Variants in ECPAS observed in about 807,000 individuals in gnomAD.
ECPAS encodes the protein proteasome adapter and scaffold protein ECM29.
A neutral mutation model predicts 255.1 loss-of-function variants in ECPAS; 70 were observed. The observed-to-expected ratio is 0.27, with a 90% confidence interval of 0.23 to 0.33. The LOEUF (loss-of-function observed/expected upper bound fraction) is 0.33, where lower values mean the gene tolerates loss of function less well. Among genes scored for constraint, ECPAS ranks in the 10% least tolerant of loss-of-function variants. ECPAS has a pLI of 1.00. For synonymous variants in ECPAS, 784 were observed against 775.0 expected, an observed-to-expected ratio of 1.01 and a Z score of -0.19; for missense variants, 1,817 against 2,206.4, an observed-to-expected ratio of 0.82 and a Z score of 3.54.
Position 111,389,717 on chromosome 9 carries a change from C to A in ECPAS, c.3286G>T (p.Ala1096Ser). 6.2e-7 allele frequency: 1 copy of A among 1,608,470 alleles called. No individual in the cohort carries two copies. Residue 1096 changes from alanine to serine, a missense_variant, in exon 31 of 50, where the codon GCT becomes TCT. Around this residue, in one of 4 missense-constraint regions of ECPAS, gnomAD observed 960 missense variants for 1,179.0 expected, o/e 0.81. Coordinates refer to ENST00000684092, the MANE Select transcript of ECPAS (RefSeq NM_001364929.1). The part of the protein sequence containing the change: ...HAMWNSRKGA[A>S]FGFNVIATRA... ...GTAGCAATTACATTAAAACCAAAAG[C>A]AGCACCCTAAAAATAATAGGCTGAA... is the stretch of plus-strand genomic sequence containing the variant.
rs1351383139 is a variant in ECPAS, at chr9:111,394,021, C to T, written c.2922+139G>A. The stretch of plus-strand genomic sequence containing the variant: ...CATCTTCCAGCCTATATACATCAGG[C>T]CACCATCCTTCATTCCTTCATGTAC... On this transcript the variant is annotated intron_variant, in intron 26 of 49. Transcript: ENST00000684092. 5 of 893,876 alleles carry T rather than the reference C, an allele frequency of 5.6e-6. No homozygotes were observed. The South Asian group carries it at 6.2e-5, about 11-fold the overall frequency. The allele number at this position is 893,876 out of a possible 1,614,324, so 55.4% of individuals were successfully genotyped here.
At chr9:111,396,951 G>A in intron 25 of ECPAS, 79 bp downstream of exon 25, 1 of 1,541,796 alleles carries the variant, frequency 6.5e-7, no homozygotes. Flanking sequence ...AATGTGTAAT[G>A]TTTTTGCCTC....
At position 111,417,912 on chromosome 9, in the gene ECPAS, G is replaced by A; in HGVS notation, c.1654C>T (p.Pro552Ser). The change falls in exon 17 of 50, where the codon CCA becomes TCA. Residue 552 changes from proline to serine, a missense_variant. Pro to Ser is a moderately conservative substitution (Grantham distance 74, BLOSUM62 -1). This residue lies in a region of ECPAS where 573 missense variants were observed against 716.2 expected (regional missense o/e 0.80). Coordinates refer to ENST00000684092, the MANE Select transcript of ECPAS (RefSeq NM_001364929.1). ...ESTSEQMPSFPEMVYYIQEKA... is the reference protein window; with the variant it reads ...ESTSEQMPSFSEMVYYIQEKA... ...TCTTGGATGTAATAAACCATTTCTG[G>A]GAAGGAAGGCATCTGCTCAGAAGTA... The A allele has an allele frequency of 6.3e-7, 1 of 1,580,416 alleles. No individual in the cohort carries two copies. Among genetic ancestry groups the A allele is most frequent in the South Asian group, 1.2e-5 (1 of 86,148 alleles).
At chr9:111,378,520 G>C in intron 36 of ECPAS, 60 bp downstream of exon 36, 1 of 1,507,880 alleles carries the variant, frequency 6.6e-7, no homozygotes, top group South Asian at 1.2e-5. Flanking sequence ...ATGAACCTTG[G>C]TATCTTAACA....
intron 1 of ECPAS, 197 bp downstream of exon 1, chr9:111,483,919 C>T: frequency 5.6e-6 from 4 of 708,354 alleles, no homozygotes; most frequent in Non-Finnish European, 6.9e-6. Flanking sequence ...ATCCTCCCAG[C>T]GGCCCCCCCG....
chr9:111,400,944 A>G (rs1456358042), intron 24 of ECPAS, among the ~76,000 whole-genome samples: 1 of 152,202 alleles, frequency 6.6e-6, no homozygotes, highest in Non-Finnish European at 1.5e-5. Flanking sequence ...AATTCAATCC[A>G]ATTAAGATTA....
chr9:111,425,677 A>G, intron 11 of ECPAS, 66 bp downstream of exon 11: 2 of 1,044,822 alleles, frequency 1.9e-6, no homozygotes, highest in South Asian at 1.5e-5. Flanking sequence ...GTAAAACGAT[A>G]CACTTGAAGC....
chr9:111,455,020 C>A (rs1467688938), intron 2 of ECPAS, among the ~76,000 whole-genome samples: 1 of 152,158 alleles, frequency 6.6e-6, no homozygotes. Flanking sequence ...CAAGTATGAG[C>A]CACTGCACCC....
intron 1 of ECPAS, among the ~76,000 whole-genome samples, chr9:111,475,240 ACAAG>A (rs768837425): frequency 6.6e-6 from 1 of 152,242 alleles, no homozygotes; most frequent in Non-Finnish European, 1.5e-5. Flanking sequence ...CATGGGCAAA[ACAAG>A]CCATATAAAA....
At chr9:111,363,791 TTA>T in intron 48 of ECPAS, 132 bp from the exon 49 acceptor site, 3 of 582,026 alleles carry the variant, frequency 5.2e-6, no homozygotes, top group South Asian at 2.1e-5. Flanking sequence ...TTTTTTTTTT[TTA>T]AAGGAAGCTT....
chr9:111,464,910 G>A (rs761130099), intron 2 of ECPAS, among the ~76,000 whole-genome samples: 5 of 152,222 alleles, frequency 3.3e-5, no homozygotes, highest in African/African-American at 7.2e-5. Context: ...AAGGCCGGGC[G>A]TGGTGGCTCA....
At chr9:111,381,763 A>G (rs566279764) in intron 35 of ECPAS, among the ~76,000 whole-genome samples, 112 of 152,332 alleles carry the variant, frequency 7.4e-4, no homozygotes, top group African/African-American at 2.6e-3. Flanking sequence ...TGATTTTTTC[A>G]TATCAAGTAT....
At chr9:111,388,411 T>G (rs935478979) in intron 31 of ECPAS, among the ~76,000 whole-genome samples, 2 of 149,532 alleles carry the variant, frequency 1.3e-5, no homozygotes, top group African/African-American at 5.0e-5. Flanking sequence ...GCAAAACTCA[T>G]TGAGTCTTCA....
intron 3 of ECPAS, among the ~76,000 whole-genome samples, chr9:111,451,101 T>A (rs1564554360): frequency 6.6e-6 from 1 of 152,150 alleles, no homozygotes; most frequent in Non-Finnish European, 1.5e-5. Context: ...CTAAAGAATA[T>A]TTTTGCCCCA....
At chr9:111,404,464 G>A (rs1043494712) in intron 24 of ECPAS, among the ~76,000 whole-genome samples, 2 of 149,020 alleles carry the variant, frequency 1.3e-5, no homozygotes, top group Admixed American at 1.3e-4. Context: ...TGACTGAATC[G>A]TAATCCCCAA....
intron 33 of ECPAS, among the ~76,000 whole-genome samples, chr9:111,384,998 T>C (rs1310246392): frequency 6.6e-6 from 1 of 152,216 alleles, no homozygotes; most frequent in Non-Finnish European, 1.5e-5. Context: ...TCAGAGGAAT[T>C]GGCCACATTA....
chr9:111,460,801 G>A (rs1161907270), intron 2 of ECPAS, among the ~76,000 whole-genome samples: 1 of 152,112 alleles, frequency 6.6e-6, no homozygotes, highest in Non-Finnish European at 1.5e-5. Context: ...AAACTTAAAA[G>A]ATACACCATA....
At chr9:111,415,038 A>G (rs2098201018) in intron 18 of ECPAS, among the ~76,000 whole-genome samples, 1 of 152,050 alleles carries the variant, frequency 6.6e-6, no homozygotes. Flanking sequence ...ACTTGAGGAG[A>G]GAGGGTGGGA....
In ECPAS at chr9:111,378,742, T is replaced by A; in HGVS notation, c.3804-12A>T. ...CAAGGGTGTTAATGCTACAAACATA[T>A]GGAACACAACTCCTGAGTCCTTTTA... On this transcript the variant is annotated splice_polypyrimidine_tract_variant and intron_variant, in intron 35 of 49. Transcript: ENST00000684092. 6.2e-7 allele frequency: 1 copy of A among 1,602,380 alleles called. No homozygotes were observed. The highest frequency in any genetic ancestry group is 1.1e-5 in the South Asian group (1 of 89,716).
Sources: allele counts gnomAD v4.1 joint callset (sites outside exome capture counted in the v4.1 genomes callset), GRCh38; gene constraint gnomAD v4.1.1; regional missense constraint gnomAD v4.1.1; transcripts MANE v1.5; gene names NCBI Gene and HGNC (gene_info 2026-07-23, HGNC 2026-07-21).